Variants in POU6F2 observed in about 807,000 individuals in gnomAD.
POU6F2 encodes POU class 6 homeobox 2.
Under a neutral mutation model 71.3 loss-of-function variants are expected in POU6F2, and 31 were observed. The ratio of observed to expected loss-of-function variants is 0.43; its 90% CI spans 0.33 to 0.59. POU6F2 has a LOEUF of 0.59. Ranked by LOEUF, POU6F2 falls within the 20% of genes least tolerant of loss-of-function variation. POU6F2 has a pLI of 0.04. For missense variants in POU6F2, 783 were observed against 856.8 expected, an observed-to-expected ratio of 0.91 and a Z score of 1.07; for synonymous variants, 347 against 355.7, an observed-to-expected ratio of 0.98 and a Z score of 0.27.
intron 4 of POU6F2, among the ~76,000 whole-genome samples, chr7:39,259,330 CTT>C (rs1418249899): frequency 1.3e-5 from 2 of 152,204 alleles, no homozygotes; most frequent in Non-Finnish European, 2.9e-5. Flanking sequence ...TTCGGCCTGA[CTT>C]TGTATTGAGA....
intron 5 of POU6F2, among the ~76,000 whole-genome samples, chr7:39,366,617 G>A (rs908509306): frequency 1.3e-5 from 2 of 152,130 alleles, no homozygotes; most frequent in Non-Finnish European, 2.9e-5. Context: ...CACTAGGAGC[G>A]GGTAGGGAAC....
intron 5 of POU6F2, among the ~76,000 whole-genome samples, chr7:39,346,596 A>G (rs940798752): frequency 3.3e-5 from 5 of 152,202 alleles, no homozygotes; most frequent in Non-Finnish European, 7.3e-5. Flanking sequence ...AACTAATCCC[A>G]AAGTCTAGCT....
intron 1 of POU6F2, among the ~76,000 whole-genome samples, chr7:39,074,742 T>G (rs1174335264): frequency 6.6e-6 from 1 of 152,114 alleles, no homozygotes; most frequent in African/African-American, 2.4e-5. Flanking sequence ...CTTTAAAATC[T>G]GATGAAGGCT....
chr7:39,217,373 T>C (rs907851021), intron 4 of POU6F2, among the ~76,000 whole-genome samples: 2 of 152,184 alleles, frequency 1.3e-5, no homozygotes, highest in African/African-American at 4.8e-5. Flanking sequence ...AACCTTCTGG[T>C]ACCATTCTTG....
At chr7:39,175,122 C>G (rs1441398473) in intron 2 of POU6F2, among the ~76,000 whole-genome samples, 4 of 152,114 alleles carry the variant, frequency 2.6e-5, no homozygotes, top group Non-Finnish European at 5.9e-5. Flanking sequence ...TTCTCCTCCT[C>G]TATCCATCCC....
At chr7:39,425,355 A>C (rs1461148176) in intron 6 of POU6F2, among the ~76,000 whole-genome samples, 1 of 152,154 alleles carries the variant, frequency 6.6e-6, no homozygotes. Flanking sequence ...TCTTTGTTAT[A>C]CCTTGTAAAT....
At chr7:39,427,418 A>G (rs1448478133) in intron 6 of POU6F2, among the ~76,000 whole-genome samples, 1 of 152,198 alleles carries the variant, frequency 6.6e-6, no homozygotes. Context: ...ATGGCTTTTA[A>G]GAAGCTTTTA....
At chr7:39,388,893 A>G (rs752233373) in intron 5 of POU6F2, among the ~76,000 whole-genome samples, 1 of 152,252 alleles carries the variant, frequency 6.6e-6, no homozygotes, top group Non-Finnish European at 1.5e-5. Context: ...ATGAGAAAGA[A>G]ACACATTAAA....
chr7:39,390,824 A>G (rs1562812735), intron 5 of POU6F2, among the ~76,000 whole-genome samples: 1 of 152,062 alleles, frequency 6.6e-6, no homozygotes, highest in Non-Finnish European at 1.5e-5. Flanking sequence ...AACAAGCTGA[A>G]CAGGGTTTTC....
intron 1 of POU6F2, among the ~76,000 whole-genome samples, chr7:39,068,171 TG>T (rs1487507344): frequency 6.6e-6 from 1 of 152,212 alleles, no homozygotes; most frequent in Non-Finnish European, 1.5e-5. Flanking sequence ...TATTTATCTA[TG>T]TAGTTCTTTT....
chr7:39,323,575 T>C (rs1337557792), intron 4 of POU6F2, among the ~76,000 whole-genome samples: 2 of 152,090 alleles, frequency 1.3e-5, no homozygotes. Flanking sequence ...GAAAAGTGGG[T>C]TGAAGTCAAA....
At chr7:39,157,876 C>A (rs770406362) in intron 2 of POU6F2, among the ~76,000 whole-genome samples, 16 of 152,066 alleles carry the variant, frequency 1.1e-4, no homozygotes, top group Non-Finnish European at 2.4e-4. Context: ...CCTTCTGGGG[C>A]CTATAATAAA....
intron 7 of POU6F2, among the ~76,000 whole-genome samples, chr7:39,450,705 A>G (rs1481360842): frequency 6.6e-6 from 1 of 152,174 alleles, no homozygotes; most frequent in Non-Finnish European, 1.5e-5. Context: ...ATCATAACTA[A>G]GAGCTCGGGT....
chr7:39,327,400 G>A (rs1785531104), intron 4 of POU6F2, among the ~76,000 whole-genome samples: 3 of 151,990 alleles, frequency 2.0e-5, no homozygotes. Context: ...TCTTCAGTGT[G>A]AATTCGCCAG....
At chr7:39,450,615 A>G (rs1410592519) in intron 7 of POU6F2, among the ~76,000 whole-genome samples, 7 of 152,088 alleles carry the variant, frequency 4.6e-5, no homozygotes, top group Admixed American at 1.3e-4. Flanking sequence ...CTGTAGAGGA[A>G]TCATGAATAA....
intron 2 of POU6F2, among the ~76,000 whole-genome samples, chr7:39,123,772 T>C (rs899517803): frequency 6.6e-6 from 1 of 151,972 alleles, no homozygotes; most frequent in Admixed American, 6.6e-5. Context: ...CTTGATCTGA[T>C]CTTTGGTTTT....
At position 39,424,826 on chromosome 7, in the gene POU6F2, A is replaced by C. The variant is rs940410465; in HGVS notation, c.1114-8251A>C. On this transcript the variant is annotated intron_variant, in intron 6 of 9. Coordinates refer to ENST00000518318, the MANE Select transcript of POU6F2 (RefSeq NM_001370959.1). ...TTTGAGGAAAAACAAGCACACACAA[A>C]AAAAAAAAACACAACACCTGCCTCC... is the stretch of plus-strand genomic sequence containing the variant. Among the ~76,000 whole-genome samples, 143 of 151,762 alleles carry C rather than the reference A, an allele frequency of 9.4e-4. 2 individuals carry two copies. The highest frequency in any genetic ancestry group is 3.0e-3 in the African/African-American group (124 of 41,400).
At chr7:39,342,485 C>A (rs1324681813) in intron 5 of POU6F2, among the ~76,000 whole-genome samples, 1 of 152,052 alleles carries the variant, frequency 6.6e-6, no homozygotes, top group Admixed American at 6.5e-5. Context: ...ATTTTACAAC[C>A]CTTTATTTTC....
chr7:39,361,079 C>T (rs1420633702), intron 5 of POU6F2, among the ~76,000 whole-genome samples: 2 of 152,142 alleles, frequency 1.3e-5, no homozygotes, highest in Admixed American at 6.5e-5. Context: ...GAACATACCC[C>T]AAACAGGCAA....
Sources: gnomAD v4.1 joint callset for allele counts (sites outside exome capture counted in the v4.1 genomes callset) on GRCh38, gnomAD v4.1.1 for gene constraint, MANE v1.5 for transcripts, NCBI Gene and HGNC (gene_info 2026-07-23, HGNC 2026-07-21) for gene names.